Variants in SCAMP4 observed in about 807,000 individuals in gnomAD.
SCAMP4 encodes secretory carrier membrane protein 4.
SCAMP4 carries 19 observed loss-of-function variants against 32.1 expected under a neutral mutation model. That is an observed-to-expected ratio of 0.59 (90% CI 0.41 to 0.87). The LOEUF is 0.87. SCAMP4 is among the 40% of genes least tolerant of loss of function. The probability of loss-of-function intolerance (pLI) is 0.00; values close to 1 mark genes in which losing one functional copy is unlikely to be tolerated. For synonymous variants in SCAMP4, 152 were observed against 132.7 expected (o/e 1.15, Z -1.00); for missense variants, 302 against 309.0 (o/e 0.98, Z 0.17).
At chr19:1,912,004 G>T in intron 1 of SCAMP4, 1 of 1,415,028 alleles carries the variant, frequency 7.1e-7, no homozygotes, top group Non-Finnish European at 9.2e-7. Flanking sequence ...ACGGCCTCCC[G>T]GGACGGACTC....
chr19:1,912,898 T>G (rs1034137150), intron 1 of SCAMP4: 3 of 1,608,126 alleles, frequency 1.9e-6, no homozygotes, highest in East Asian at 4.5e-5. Flanking sequence ...GTGCGTAAAC[T>G]GGACGCAGAC....
rs527496096 is a variant in SCAMP4, at chr19:1,912,680, G to A, written c.-41-2299G>A. The stretch of plus-strand genomic sequence containing the variant: ...CAGCAGCGCGGGGCTTGCGGGCCGT[G>A]GGGGCCGTGGTAGTGGACCCGGCCT... On this transcript the variant is annotated intron_variant, in intron 1 of 6. Transcript: ENST00000316097. 1.5e-5 allele frequency: 22 copies of A among 1,448,054 alleles called. 1 individual carries two copies. In the South Asian group the frequency reaches 2.8e-4, roughly 18 times the overall value. 89.7% of individuals were successfully genotyped at this position (1,448,054 alleles called of 1,614,324 possible).
chr19:1,914,311 C>T (rs983890498), intron 1 of SCAMP4, among the ~76,000 whole-genome samples: 1 of 152,132 alleles, frequency 6.6e-6, no homozygotes, highest in Admixed American at 6.5e-5. Context: ...GGGCTCAGTT[C>T]CTGGGAACTG....
chr19:1,905,723 G>T (rs2013075473), intron 1 of SCAMP4: 1 of 152,746 alleles, frequency 6.5e-6, no homozygotes, highest in South Asian at 2.1e-4. Context: ...CGCCCTTATG[G>T]TCGGTGCGGG....
intron 2 of SCAMP4, among the ~76,000 whole-genome samples, chr19:1,916,681 C>T (rs1419571390): frequency 6.6e-6 from 1 of 152,058 alleles, no homozygotes; most frequent in African/African-American, 2.4e-5. Context: ...TGATCTGGAA[C>T]TCCTGGGCTC....
intron 5 of SCAMP4, chr19:1,921,193 T>A: frequency 1.0e-6 from 1 of 984,890 alleles, no homozygotes; most frequent in Non-Finnish European, 1.2e-6. Flanking sequence ...CTGGGCGGCT[T>A]CACCAGCGCC....
rs1051095963 is a variant in SCAMP4 at position 1,911,511 on chromosome 19, C to T, written c.-41-3468C>T. Among the ~76,000 whole-genome samples, 220 of 152,294 alleles carry T rather than the reference C, an allele frequency of 1.4e-3. 1 individual carries two copies. The highest frequency in any genetic ancestry group is 7.7e-4 in the East Asian group (4 of 5,190). On this transcript the variant is annotated intron_variant, in intron 1 of 6. Transcript: ENST00000316097. ...TTGAAAATGACCTGTCTTGGCTGGG[C>T]GCAGTGACTCACACCTGTAATCCCA...
intron 5 of SCAMP4, chr19:1,919,999 C>T (rs1474718909): frequency 8.1e-5 from 21 of 258,458 alleles, no homozygotes; most frequent in South Asian, 2.9e-4. Flanking sequence ...TAGTAAGAGA[C>T]GGGGTTTCAC....
At chr19:1,913,136 GGACCCC>G (rs762301016) in intron 1 of SCAMP4, 21 of 1,565,488 alleles carry the variant, frequency 1.3e-5, no homozygotes, top group Non-Finnish European at 1.7e-5. Context: ...GCCGCTGGCT[GGACCCC>G]GACACGTAGG....
At position 1,908,334 on chromosome 19, in the gene SCAMP4, C is replaced by T. The variant is rs935644902; in HGVS notation, c.-42+2895C>T. The T allele has an allele frequency of 8.2e-6, 3 of 365,958 alleles. No individual in the cohort carries two copies. The highest frequency in any genetic ancestry group is 1.5e-4 in the East Asian group (2 of 13,128). The allele number at this position is 365,958 out of a possible 1,614,324, so 22.7% of individuals were successfully genotyped here. On this transcript the variant is annotated intron_variant, in intron 1 of 6. Transcript: ENST00000316097. The surrounding 1 kb of genome is among the most constrained non-coding windows in gnomAD (Gnocchi z 4.2). ...CAGCGCTGGGGCCGCTTCAGCGTGA[C>T]CTCCAAGGCCACTGGCCTGGAGTTC...
intron 2 of SCAMP4, among the ~76,000 whole-genome samples, chr19:1,917,354 C>G (rs1214869760): frequency 1.3e-5 from 2 of 152,236 alleles, no homozygotes; most frequent in Non-Finnish European, 2.9e-5. Context: ...AATCAGTTAT[C>G]TGACAGTTCT....
chr19:1,910,812 T>C (rs998307703), intron 1 of SCAMP4, among the ~76,000 whole-genome samples: 1 of 151,872 alleles, frequency 6.6e-6, no homozygotes, highest in Admixed American at 6.6e-5. Flanking sequence ...CGTGGCCTCA[T>C]GATCTGCCCG....
At chr19:1,909,186 A>G (rs2013302484) in intron 1 of SCAMP4, among the ~76,000 whole-genome samples, 2 of 150,366 alleles carry the variant, frequency 1.3e-5, no homozygotes, top group South Asian at 4.2e-4. Context: ...CTGTGGGGGC[A>G]GATGCAGGTG....
At position 1,925,387 on chromosome 19, in the gene SCAMP4, CG is replaced by C. The variant is rs1439944028; in HGVS notation, c.*1104del. 3 of 152,450 alleles carry C rather than the reference CG, an allele frequency of 2.0e-5. No homozygotes were observed. Among genetic ancestry groups the C allele is most frequent in the African/African-American group, 7.3e-5 (3 of 41,356 alleles). 9.4% of individuals were successfully genotyped at this position (152,450 alleles called of 1,614,324 possible). A position where few individuals can be genotyped will look rare whatever the true frequency, so the allele number is the denominator to read the frequency against. ...TGCTGGGATAATAGGTGTCAGCCAC[CG>C]CGCCCAGCCTGGAGTGGCCTTTTAT... is the stretch of plus-strand genomic sequence containing the variant. On this transcript the variant is annotated 3_prime_UTR_variant, in exon 7 of 7. Coordinates refer to ENST00000316097, the MANE Select transcript of SCAMP4 (RefSeq NM_079834.4).
intron 5 of SCAMP4, chr19:1,921,290 T>G: frequency 1.0e-6 from 1 of 985,174 alleles, no homozygotes; most frequent in Non-Finnish European, 1.2e-6. Flanking sequence ...CAGCGTCACC[T>G]CCCCAGGGGT....
intron 3 of SCAMP4, 136 bp from the exon 4 acceptor site, chr19:1,917,991 G>T: frequency 7.3e-7 from 1 of 1,367,824 alleles, no homozygotes; most frequent in Non-Finnish European, 1.0e-6. Context: ...CCAGTGTCTT[G>T]GCTTGCACAG....
In SCAMP4 at chr19:1,918,883, C is replaced by T; in HGVS notation, c.294-6C>T. 6.3e-7 allele frequency: 1 copy of T among 1,599,764 alleles called. No individual in the cohort carries two copies. The highest frequency in any genetic ancestry group is 8.5e-7 in the Non-Finnish European group (1 of 1,173,146). On this transcript the variant is annotated splice_region_variant and splice_polypyrimidine_tract_variant and intron_variant, in intron 4 of 6. Transcript: ENST00000316097. ...GGTAACCGTCGTGTTTTCTGTCCCTCCCCAGAGCCGACAGCTCCTTTAATT... is the reference window on the plus strand; with the variant it reads ...GGTAACCGTCGTGTTTTCTGTCCCTTCCCAGAGCCGACAGCTCCTTTAATT...
At chr19:1,913,187 C>T (rs1245847007) in intron 1 of SCAMP4, 18 of 1,474,572 alleles carry the variant, frequency 1.2e-5, no homozygotes, top group South Asian at 2.7e-5. Flanking sequence ...TTCCCGCTCC[C>T]GGCCGTGGGG....
intron 6 of SCAMP4, 102 bp from the exon 7 acceptor site, chr19:1,924,006 T>A (rs10526851): frequency 2.2e-6 from 1 of 464,918 alleles, no homozygotes; most frequent in African/African-American, 2.6e-5. Context: ...ACAGTCTGTC[T>A]GCCTCGGCCT....
Sources: gnomAD v4.1 joint callset for allele counts (sites outside exome capture counted in the v4.1 genomes callset) on GRCh38, gnomAD v4.1.1 for gene constraint, Gnocchi (gnomAD v3.1) non-coding constraint, MANE v1.5 for transcripts, NCBI Gene and HGNC (gene_info 2026-07-23, HGNC 2026-07-21) for gene names.